CNTNAP2: variants seen among roughly 807,000 people sequenced by gnomAD.
The protein encoded by CNTNAP2 is contactin associated protein 2.
CNTNAP2 carries 98 observed loss-of-function variants against 155.2 expected under a neutral mutation model. The ratio of observed to expected loss-of-function variants is 0.63; its 90% CI spans 0.54 to 0.75. The LOEUF is 0.75. CNTNAP2 is among the 30% of genes least tolerant of loss of function. The pLI is 0.00. For missense variants in CNTNAP2, 1,727 were observed against 1,688.1 expected (o/e 1.02, Z -0.40); for synonymous variants, 651 against 631.2 (o/e 1.03, Z -0.47).
At chr7:146,459,133 G>A (rs73462740) in intron 1 of CNTNAP2, among the ~76,000 whole-genome samples, 4,165 of 152,114 alleles carry the variant, frequency 0.027, 138 homozygotes, top group African/African-American at 0.074. Flanking sequence ...GGAGAAATCA[G>A]GCCTGCTTCA....
rs755623604 is a variant in CNTNAP2 at position 146,227,428 on chromosome 7, C to CAAAAA, written c.97+110472_97+110476dup. On this transcript the variant is annotated intron_variant, in intron 1 of 23. Transcript: ENST00000361727. ...CAACAGAGTGAGACTCTGTCTCAAA[C>CAAAAA]AAAAAAAAAAAAAAAAAAAAAGAAA... Among the ~76,000 whole-genome samples the CAAAAA allele has an allele frequency of 3.8e-3, 219 of 57,898 alleles. 1 individual carries two copies. Among genetic ancestry groups the CAAAAA allele is most frequent in the Middle Eastern group, 0.02 (2 of 100 alleles). 38.0% of individuals were successfully genotyped at this position (57,898 alleles called of 152,430 possible). A position where few individuals can be genotyped will look rare whatever the true frequency, so the allele number is the denominator to read the frequency against.
intron 1 of CNTNAP2, among the ~76,000 whole-genome samples, chr7:146,711,429 A>T (rs71530756): frequency 6.8e-6 from 1 of 147,672 alleles, no homozygotes; most frequent in Non-Finnish European, 1.5e-5. Flanking sequence ...TATAATATAT[A>T]CTATATAGGT....
chr7:146,151,662 A>ATATATATATATATG (rs1798046297), intron 1 of CNTNAP2, among the ~76,000 whole-genome samples: 3 of 43,710 alleles, frequency 6.9e-5, no homozygotes, highest in Admixed American at 3.0e-4. Context: ...ATATATATAT[A>ATATATATATATATG]TATATATATA....
chr7:147,695,380 A>G (rs1262383158), intron 13 of CNTNAP2, among the ~76,000 whole-genome samples: 1 of 152,192 alleles, frequency 6.6e-6, no homozygotes, highest in Non-Finnish European at 1.5e-5. Context: ...GAGTTCAGCT[A>G]TGGCCTTACT....
chr7:147,351,689 A>C (rs1233866800), intron 9 of CNTNAP2, among the ~76,000 whole-genome samples: 1 of 151,808 alleles, frequency 6.6e-6, no homozygotes, highest in East Asian at 1.9e-4. Flanking sequence ...TCCTTTAAAA[A>C]TCAGTTAATC....
rs76413587 is a variant in CNTNAP2, at chr7:146,729,338, T to C, written c.98-44933T>C. Reference sequence around the variant, plus strand: ...ACAGGAGATTCATATGAGCAGATTCTGATTTTTGAAAGACGACAGTAAAAG... The same window carrying C: ...ACAGGAGATTCATATGAGCAGATTCCGATTTTTGAAAGACGACAGTAAAAG... On this transcript the variant is annotated intron_variant, in intron 1 of 23. Transcript: ENST00000361727. Among the ~76,000 whole-genome samples, 99 of 152,266 alleles carry C rather than the reference T, an allele frequency of 6.5e-4. No homozygotes were observed. The East Asian group carries it at 0.019, about 29-fold the overall frequency.
intron 1 of CNTNAP2, among the ~76,000 whole-genome samples, chr7:146,739,473 TTCAA>T (rs1801673962): frequency 6.6e-6 from 1 of 152,034 alleles, no homozygotes; most frequent in African/African-American, 2.4e-5. Context: ...GTTTCCCCTG[TTCAA>T]TCAAACTATT....
intron 1 of CNTNAP2, among the ~76,000 whole-genome samples, chr7:146,671,643 GATAA>G (rs1321053152): frequency 1.3e-5 from 2 of 152,002 alleles, no homozygotes; most frequent in African/African-American, 4.8e-5. Flanking sequence ...AAAATTTTGT[GATAA>G]ATAAGTTAAA....
intron 1 of CNTNAP2, among the ~76,000 whole-genome samples, chr7:146,457,466 A>G (rs1435746890): frequency 8.3e-6 from 1 of 120,442 alleles, no homozygotes; most frequent in Admixed American, 8.6e-5. Context: ...TGATTCATTT[A>G]TAGCTTCAAA....
chr7:146,875,035 C>T (rs1159302777), intron 3 of CNTNAP2, among the ~76,000 whole-genome samples: 1 of 152,112 alleles, frequency 6.6e-6, no homozygotes, highest in African/African-American at 2.4e-5. Flanking sequence ...GTAAAATTTG[C>T]AATTTCATTA....
At chr7:146,171,787 ACAT>A (rs772101274) in intron 1 of CNTNAP2, among the ~76,000 whole-genome samples, 20 of 152,130 alleles carry the variant, frequency 1.3e-4, no homozygotes, top group Non-Finnish European at 2.8e-4. Flanking sequence ...ATTGAAATGA[ACAT>A]CATATATTTT....
chr7:146,963,730 T>C (rs992034450), intron 3 of CNTNAP2, among the ~76,000 whole-genome samples: 1 of 152,194 alleles, frequency 6.6e-6, no homozygotes, highest in African/African-American at 2.4e-5. Flanking sequence ...TAATATTTAT[T>C]TAGATTTATA....
chr7:146,165,635 T>C (rs1308201876), intron 1 of CNTNAP2, among the ~76,000 whole-genome samples: 2 of 152,222 alleles, frequency 1.3e-5, no homozygotes, highest in African/African-American at 2.4e-5. Context: ...TATATGTATC[T>C]AAATCTGTAT....
intron 11 of CNTNAP2, among the ~76,000 whole-genome samples, chr7:147,514,991 C>T (rs1718488354): frequency 6.6e-6 from 1 of 152,148 alleles, no homozygotes; most frequent in South Asian, 2.1e-4. Context: ...AAACAACAGC[C>T]TCCAAGGCCC....
At chr7:146,930,628 G>A (rs1347235408) in intron 3 of CNTNAP2, among the ~76,000 whole-genome samples, 1 of 152,140 alleles carries the variant, frequency 6.6e-6, no homozygotes, top group Non-Finnish European at 1.5e-5. Flanking sequence ...CCAATTAAAA[G>A]ACACAGACTG....
intron 13 of CNTNAP2, among the ~76,000 whole-genome samples, chr7:147,885,732 C>A (rs563877456): frequency 9.2e-5 from 14 of 152,290 alleles, no homozygotes; most frequent in African/African-American, 2.9e-4. Context: ...GTCGGCCAAC[C>A]TTTACCCTTG....
At chr7:148,045,378 G>A (rs754380343) in intron 15 of CNTNAP2, among the ~76,000 whole-genome samples, 1 of 152,200 alleles carries the variant, frequency 6.6e-6, no homozygotes, top group Non-Finnish European at 1.5e-5. Context: ...GAGCCACACT[G>A]TGCCTGAGCG....
At chr7:147,304,973 CAGAG>C (rs1432111091) in intron 9 of CNTNAP2, among the ~76,000 whole-genome samples, 1 of 152,046 alleles carries the variant, frequency 6.6e-6, no homozygotes, top group South Asian at 2.1e-4. Context: ...AAAATAGAGA[CAGAG>C]AGAGAAAGAC....
chr7:146,435,420 T>C (rs1456989780), intron 1 of CNTNAP2, among the ~76,000 whole-genome samples: 6 of 152,222 alleles, frequency 3.9e-5, no homozygotes, highest in Non-Finnish European at 2.9e-5. Flanking sequence ...TTCTGCGTCT[T>C]GTGACTTCTA....
Sources: gnomAD v4.1 joint callset for allele counts (sites outside exome capture counted in the v4.1 genomes callset) on GRCh38, gnomAD v4.1.1 for gene constraint, MANE v1.5 for transcripts, NCBI Gene and HGNC (gene_info 2026-07-23, HGNC 2026-07-21) for gene names.